CBR4: variants seen among roughly 807,000 people sequenced by gnomAD.
CBR4 encodes carbonyl reductase 4.
A neutral mutation model predicts 21.0 loss-of-function variants in CBR4; 22 were observed. That is an observed-to-expected ratio of 1.05 (90% CI 0.75 to 1.50). The LOEUF (loss-of-function observed/expected upper bound fraction) is 1.50, where lower values mean the gene tolerates loss of function less well. CBR4 is among the 40% of genes most tolerant of loss of function. CBR4 has a pLI of 0.00. For missense variants in CBR4, 302 were observed against 286.3 expected (o/e 1.05, Z -0.40); for synonymous variants, 100 against 104.4 (o/e 0.96, Z 0.26).
chr4:168,947,764 TCATC>T (rs901987725), intron 2 of CBR4, among the ~76,000 whole-genome samples: 3 of 152,210 alleles, frequency 2.0e-5, no homozygotes, highest in African/African-American at 7.2e-5. Context: ...CACAGTTTCT[TCATC>T]CACTCATTGA....
At chr4:169,002,405 A>G (rs1730529545) in intron 3 of CBR4, among the ~76,000 whole-genome samples, 200 bp from the exon 4 acceptor site, 1 of 152,196 alleles carries the variant, frequency 6.6e-6, no homozygotes, top group African/African-American at 2.4e-5. Context: ...AGATACATAC[A>G]GAAAATAGCA....
At position 168,988,814 on chromosome 4, in the gene CBR4, C is replaced by T. The variant is rs1471943670; in HGVS notation, c.*1336G>A. 6 of 950,792 alleles carry T rather than the reference C, an allele frequency of 6.3e-6. No homozygotes were observed. The highest frequency in any genetic ancestry group is 1.8e-5 in the African/African-American group (1 of 56,464). 58.9% of individuals were successfully genotyped at this position (950,792 alleles called of 1,614,324 possible). A position where few individuals can be genotyped will look rare whatever the true frequency, so the allele number is the denominator to read the frequency against. On this transcript the variant is annotated 3_prime_UTR_variant, in exon 5 of 5. Coordinates refer to ENST00000306193, the MANE Select transcript of CBR4 (RefSeq NM_032783.5). ...GAACCCAGAATTTTTATTTAGAACA[C>T]TGCTTTGACTTTTGTTATTACTTTG... is the stretch of plus-strand genomic sequence containing the variant.
intron 2 of CBR4, among the ~76,000 whole-genome samples, chr4:168,941,256 C>G (rs913787071): frequency 4.6e-5 from 7 of 152,050 alleles, no homozygotes; most frequent in African/African-American, 1.7e-4. Context: ...AGCAAACCAC[C>G]ACAACACATG....
intron 3 of CBR4, chr4:169,005,840 G>C: frequency 8.0e-7 from 1 of 1,256,802 alleles, no homozygotes; most frequent in South Asian, 1.2e-5. Flanking sequence ...CTAAATTCTG[G>C]CTTGAAAAAC....
At chr4:169,006,376 C>A (rs1730913584) in intron 3 of CBR4, among the ~76,000 whole-genome samples, 1 of 152,074 alleles carries the variant, frequency 6.6e-6, no homozygotes, top group Non-Finnish European at 1.5e-5. Context: ...CAGAATGATC[C>A]AATTTCTCTT....
chr4:168,924,467 T>C, intron 2 of CBR4: 1 of 1,509,438 alleles, frequency 6.6e-7, no homozygotes, highest in Non-Finnish European at 9.2e-7. Flanking sequence ...TCAGTCCTAA[T>C]GATGTATCAA....
intron 2 of CBR4, among the ~76,000 whole-genome samples, chr4:168,918,483 A>G (rs1048042344): frequency 6.6e-6 from 1 of 152,190 alleles, no homozygotes; most frequent in Non-Finnish European, 1.5e-5. Context: ...AATATAAAAA[A>G]GTTGAACTCA....
chr4:168,927,189 G>A (rs1762676405), intron 2 of CBR4: 1 of 230,362 alleles, frequency 4.3e-6, no homozygotes, highest in East Asian at 6.2e-5. Flanking sequence ...GTATTTGGAG[G>A]AATCAGGGGT....
intron 2 of CBR4, among the ~76,000 whole-genome samples, chr4:168,918,765 A>G (rs1387738805): frequency 2.0e-5 from 3 of 152,228 alleles, no homozygotes; most frequent in Non-Finnish European, 2.9e-5. Flanking sequence ...ATTTCAAAAT[A>G]ATGTGCAGAA....
intron 2 of CBR4, among the ~76,000 whole-genome samples, chr4:168,922,897 T>C (rs950457134): frequency 2.0e-5 from 3 of 152,198 alleles, no homozygotes; most frequent in African/African-American, 7.2e-5. Flanking sequence ...GCAAAGTCTT[T>C]GGGGTCAGAT....
chr4:168,990,399 A>G, intron 4 of CBR4, 71 bp from the exon 5 acceptor site: 1 of 1,300,884 alleles, frequency 7.7e-7, no homozygotes, highest in African/African-American at 1.5e-5. Flanking sequence ...AAAAAAAATA[A>G]TAAATTTGTT....
chr4:168,946,445 T>C (rs1763398036), intron 2 of CBR4, among the ~76,000 whole-genome samples: 1 of 152,216 alleles, frequency 6.6e-6, no homozygotes, highest in Non-Finnish European at 1.5e-5. Flanking sequence ...TCTAATTCTC[T>C]CAAAAGTTCA....
intron 2 of CBR4, among the ~76,000 whole-genome samples, chr4:168,907,440 A>G (rs1250921335): frequency 6.6e-6 from 1 of 152,048 alleles, no homozygotes; most frequent in Admixed American, 6.6e-5. Flanking sequence ...TATCACCTCC[A>G]TGGGAAAGGA....
chr4:168,907,230 A>G (rs1237560435), intron 2 of CBR4, among the ~76,000 whole-genome samples: 1 of 152,226 alleles, frequency 6.6e-6, no homozygotes, highest in East Asian at 1.9e-4. Context: ...CATTATTTTA[A>G]TTCAGAGACA....
intron 2 of CBR4, among the ~76,000 whole-genome samples, chr4:168,936,363 G>C (rs989799704): frequency 3.3e-5 from 5 of 152,162 alleles, no homozygotes; most frequent in Admixed American, 2.0e-4. Context: ...GCAAAAATGA[G>C]AATGCCTCTT....
At chr4:168,955,484 G>A (rs1449812605) in intron 2 of CBR4, among the ~76,000 whole-genome samples, 1 of 152,148 alleles carries the variant, frequency 6.6e-6, no homozygotes, top group African/African-American at 2.4e-5. Flanking sequence ...GCTATGGATA[G>A]TAGACACTCT....
In CBR4 at chr4:168,988,483, A is replaced by G. The variant is rs2126800170; in HGVS notation, c.*1667T>C. 4 of 985,442 alleles carry G rather than the reference A, an allele frequency of 4.1e-6. No individual in the cohort carries two copies. In the South Asian group the frequency reaches 1.9e-4, roughly 46 times the overall value. 61.0% of individuals were successfully genotyped at this position (985,442 alleles called of 1,614,324 possible). On this transcript the variant is annotated 3_prime_UTR_variant, in exon 5 of 5. Coordinates refer to ENST00000306193, the MANE Select transcript of CBR4 (RefSeq NM_032783.5). ...ACTCAAGACTGAATGGGCTGCCATA[A>G]TGGGGAAGTACAGGTAGCCAAAGGC...
intron 2 of CBR4, among the ~76,000 whole-genome samples, chr4:168,923,386 G>A (rs561142937): frequency 6.6e-6 from 1 of 152,322 alleles, no homozygotes; most frequent in South Asian, 2.1e-4. Flanking sequence ...CTCCAGATGA[G>A]GGAGTAGTGG....
chr4:168,914,381 G>A (rs1007660271), intron 2 of CBR4, among the ~76,000 whole-genome samples: 2 of 152,210 alleles, frequency 1.3e-5, no homozygotes, highest in Non-Finnish European at 1.5e-5. Flanking sequence ...AGCTGTGTGA[G>A]TGGACGCACA....
Sources: gnomAD v4.1 joint callset for allele counts (sites outside exome capture counted in the v4.1 genomes callset) on GRCh38, gnomAD v4.1.1 for gene constraint, MANE v1.5 for transcripts, NCBI Gene and HGNC (gene_info 2026-07-23, HGNC 2026-07-21) for gene names.